LRBA: variants seen among roughly 807,000 people sequenced by gnomAD.
The protein encoded by LRBA is LPS responsive beige-like anchor protein.
In LRBA, 176 loss-of-function variants were observed where a neutral mutation model predicts 330.0. The observed-to-expected ratio is 0.53, with a 90% CI of 0.47 to 0.60. The LOEUF is 0.60. Ranked by LOEUF, LRBA falls within the 20% of genes least tolerant of loss-of-function variation. The pLI, the probability that LRBA is intolerant of heterozygous loss-of-function variation, is 0.00. For synonymous variants in LRBA, 1,230 were observed against 1,193.0 expected, an observed-to-expected ratio of 1.03 and a Z score of -0.64; for missense variants, 3,259 against 3,444.8, an observed-to-expected ratio of 0.95 and a Z score of 1.35.
chr4:150,416,578 C>CAA, intron 46 of LRBA, among the ~76,000 whole-genome samples: 1 of 151,126 alleles, frequency 6.6e-6, no homozygotes, highest in Non-Finnish European at 1.5e-5. Context: ...CTTGTTCTTC[C>CAA]AAATGGCTGA....
intron 40 of LRBA, among the ~76,000 whole-genome samples, chr4:150,531,088 GTCTC>G (rs1764013701): frequency 6.6e-6 from 1 of 151,984 alleles, no homozygotes; most frequent in Admixed American, 6.6e-5. Flanking sequence ...TTTACTTATT[GTCTC>G]TCTCTCCCAC....
intron 47 of LRBA, among the ~76,000 whole-genome samples, chr4:150,351,952 TG>T (rs1395616399): frequency 6.6e-6 from 1 of 152,346 alleles, no homozygotes; most frequent in East Asian, 1.9e-4. Context: ...TATGTAAATA[TG>T]GTCTCTGTCT....
chr4:150,933,699 C>CA (rs59250810), intron 2 of LRBA, among the ~76,000 whole-genome samples: 7 of 151,812 alleles, frequency 4.6e-5, no homozygotes, highest in East Asian at 3.9e-4. Flanking sequence ...TTACTTATTT[C>CA]AAAAAAAACA....
intron 37 of LRBA, among the ~76,000 whole-genome samples, chr4:150,680,355 AAGAG>A (rs981747059): frequency 1.1e-4 from 16 of 152,116 alleles, no homozygotes; most frequent in African/African-American, 3.4e-4. Flanking sequence ...TCAAAGAAAA[AAGAG>A]AGAGAGAGAA....
intron 37 of LRBA, among the ~76,000 whole-genome samples, chr4:150,604,417 G>A (rs1774427025): frequency 6.6e-6 from 1 of 151,468 alleles, no homozygotes; most frequent in East Asian, 1.9e-4. Context: ...AAAAAAAAAG[G>A]AATTATAAAG....
At chr4:150,497,805 T>C (rs558985784) in intron 40 of LRBA, among the ~76,000 whole-genome samples, 189 of 152,312 alleles carry the variant, frequency 1.2e-3, no homozygotes, top group Non-Finnish European at 2.2e-3. Flanking sequence ...CACACTCTTA[T>C]GTTTTCTCTT....
At chr4:150,351,676 G>C (rs1389106808) in intron 47 of LRBA, among the ~76,000 whole-genome samples, 6 of 152,138 alleles carry the variant, frequency 3.9e-5, no homozygotes, top group Admixed American at 2.0e-4. Context: ...GTGACAGAGT[G>C]AGACTCCGTC....
At chr4:150,412,337 T>C (rs949780469) in intron 47 of LRBA, among the ~76,000 whole-genome samples, 1 of 152,224 alleles carries the variant, frequency 6.6e-6, no homozygotes, top group African/African-American at 2.4e-5. Context: ...CAGTTAATAC[T>C]GCAAAATATT....
chr4:150,688,948 C>A (rs190148834), intron 36 of LRBA, among the ~76,000 whole-genome samples: 1 of 152,176 alleles, frequency 6.6e-6, no homozygotes, highest in Non-Finnish European at 1.5e-5. Flanking sequence ...ACCCAGCAAT[C>A]CCATTACTGG....
chr4:150,288,268 C>T (rs1317550763), intron 53 of LRBA, among the ~76,000 whole-genome samples: 4 of 151,598 alleles, frequency 2.6e-5, no homozygotes, highest in South Asian at 2.1e-4. Flanking sequence ...CGTGAGCCAC[C>T]GCGCCCAGCC....
chr4:150,387,467 T>G (rs1581176086), intron 47 of LRBA, among the ~76,000 whole-genome samples: 1 of 152,138 alleles, frequency 6.6e-6, no homozygotes, highest in East Asian at 1.9e-4. Context: ...TAAACTGCAA[T>G]TTGTAATTGA....
chr4:150,851,932 C>A lies in LRBA; in HGVS notation c.3778G>T (p.Ala1260Ser), dbSNP rs760181008. 2 of 1,614,000 alleles carry A rather than the reference C, an allele frequency of 1.2e-6. No individual in the cohort carries two copies. Among genetic ancestry groups the A allele is most frequent in the Non-Finnish European group, 1.7e-6 (2 of 1,179,940 alleles). ...ATDTERLELK[A>S]SPNVEAPQPH... ...TGAGGTGCTTCCACGTTGGGACTGG[C>A]CTTCAACTCCAGCCTCTCAGTATCT... The change falls in exon 23 of 57, where the codon GCC (alanine) becomes TCC (serine). Residue 1260 changes from alanine (A) to serine (S), a missense_variant. By Grantham distance (99) the Ala-to-Ser change is moderately conservative. Transcript: ENST00000651943.
intron 36 of LRBA, among the ~76,000 whole-genome samples, chr4:150,727,667 A>G (rs1439243918): frequency 6.6e-6 from 1 of 152,164 alleles, no homozygotes; most frequent in African/African-American, 2.4e-5. Flanking sequence ...CTTCAAACAA[A>G]TGATAATAAA....
chr4:150,687,238 T>C (rs1783703925), intron 36 of LRBA, among the ~76,000 whole-genome samples: 1 of 152,106 alleles, frequency 6.6e-6, no homozygotes, highest in Non-Finnish European at 1.5e-5. Context: ...TGAAATATTG[T>C]TCAAAGTCAT....
intron 34 of LRBA, among the ~76,000 whole-genome samples, chr4:150,773,924 A>G (rs1221764901): frequency 6.6e-6 from 1 of 152,226 alleles, no homozygotes; most frequent in African/African-American, 2.4e-5. Flanking sequence ...TCAGAGCCAA[A>G]GTCCAATAAT....
chr4:150,995,612 C>T (rs1230999222), intron 2 of LRBA, among the ~76,000 whole-genome samples: 1 of 152,022 alleles, frequency 6.6e-6, no homozygotes, highest in Admixed American at 6.5e-5. Flanking sequence ...GAGAGGAGAT[C>T]ATTCTAGGCA....
intron 47 of LRBA, among the ~76,000 whole-genome samples, chr4:150,404,922 C>T (rs1224188831): frequency 6.6e-6 from 1 of 152,116 alleles, no homozygotes; most frequent in Non-Finnish European, 1.5e-5. Context: ...GCGGTTTACT[C>T]TCATTTGTCC....
At chr4:150,327,935 G>A (rs1733502244) in intron 48 of LRBA, among the ~76,000 whole-genome samples, 2 of 152,058 alleles carry the variant, frequency 1.3e-5, no homozygotes, top group South Asian at 4.1e-4. Context: ...ATACCACAGG[G>A]CTAAGAGCCT....
chr4:150,724,744 T>C lies in LRBA; in HGVS notation c.5754+10514A>G, dbSNP rs1729423213. ...TTTAACAAAAGGATTAAATTTTTTT[T>C]TTAAATCAAGCAGAATGAGTAGGGA... On this transcript the variant is annotated intron_variant, in intron 36 of 56. Coordinates refer to ENST00000651943, the MANE Select transcript of LRBA (RefSeq NM_001364905.1). Among the ~76,000 whole-genome samples the C allele has an allele frequency of 4.0e-5, 6 of 151,896 alleles. No individual in the cohort carries two copies. The South Asian group carries it at 1.2e-3, about 32-fold the overall frequency.
Sources: allele counts gnomAD v4.1 joint callset (sites outside exome capture counted in the v4.1 genomes callset), GRCh38; gene constraint gnomAD v4.1.1; transcripts MANE v1.5; gene names NCBI Gene and HGNC (gene_info 2026-07-23, HGNC 2026-07-21).